PNKP: variants seen among roughly 807,000 people sequenced by gnomAD.
PNKP encodes bifunctional polynucleotide phosphatase/kinase.
PNKP carries 82 observed loss-of-function variants against 66.2 expected under a neutral mutation model. The ratio of observed to expected loss-of-function variants is 1.24; its 90% CI spans 1.04 to 1.49. The LOEUF (loss-of-function observed/expected upper bound fraction) is 1.49. Among genes scored for constraint, PNKP ranks in the 40% most tolerant of loss-of-function variants. The pLI is 0.00. For synonymous variants in PNKP, 412 were observed against 298.9 expected, an observed-to-expected ratio of 1.38 and a Z score of -3.90; for missense variants, 907 against 706.8, an observed-to-expected ratio of 1.28 and a Z score of -3.21.
intron 6 of PNKP, 37 bp downstream of exon 6, chr19:49,864,142 C>A (rs758501201): frequency 6.2e-7 from 1 of 1,612,226 alleles, no homozygotes; most frequent in Admixed American, 1.7e-5. Context: ...CGGACCGCCA[C>A]GTGCACGTGC....
chr19:49,861,544 G>A lies in PNKP; in HGVS notation c.1387-34C>T. On this transcript the variant is annotated intron_variant, in intron 15 of 16. Coordinates refer to ENST00000322344, the MANE Select transcript of PNKP (RefSeq NM_007254.4). ...AACATCAGAGGGGCGGCAGGCCCAG[G>A]GGTCAGGGGAGGAGGGGGGTCAGGG... 1.9e-6 allele frequency: 3 copies of A among 1,605,206 alleles called. No individual in the cohort carries two copies. The highest frequency in any genetic ancestry group is 1.1e-5 in the South Asian group (1 of 90,132).
intron 1 of PNKP, 40 bp downstream of exon 1, chr19:49,867,429 A>G (rs2122346661): frequency 1.7e-6 from 1 of 601,886 alleles, no homozygotes; most frequent in South Asian, 2.0e-5. Flanking sequence ...GCGTACAGGC[A>G]GAGAGCCTCG....
chr19:49,861,613 T>C lies in PNKP; in HGVS notation c.1381A>G (p.Asn461Asp), dbSNP rs775762473. The C allele has an allele frequency of 3.9e-5, 60 of 1,556,980 alleles. No individual in the cohort carries two copies. Among genetic ancestry groups the C allele is most frequent in the Non-Finnish European group, 5.0e-5 (58 of 1,151,366 alleles). ...TCCGGGCTGAGCGGGCTCACCCGGTTGTTGTGGCGCGCCTGCTCCAGAGTG... is the reference window on the plus strand; with the variant it reads ...TCCGGGCTGAGCGGGCTCACCCGGTCGTTGTGGCGCGCCTGCTCCAGAGTG... The part of the protein sequence containing the change: ...TATLEQARHN[N>D]RFREMTDSSH... Residue 461 changes from asparagine to aspartate, a missense_variant, in exon 15 of 17, where the codon AAC becomes GAC. Asn to Asp is a conservative substitution (Grantham distance 23). Coordinates refer to ENST00000322344, the MANE Select transcript of PNKP (RefSeq NM_007254.4).
intron 7 of PNKP, 68 bp downstream of exon 7, chr19:49,863,896 G>A: frequency 7.0e-7 from 1 of 1,418,736 alleles, no homozygotes; most frequent in South Asian, 1.2e-5. Context: ...CGCTTACCCT[G>A]GAGTCTAAAG....
chr19:49,862,764 C>A (rs1207623196), intron 8 of PNKP, 26 bp from the exon 9 acceptor site: 1 of 1,613,652 alleles, frequency 6.2e-7, no homozygotes, highest in South Asian at 1.1e-5. Context: ...GTGAGGAGGC[C>A]CTTCCCACAA....
rs369567366 is a variant in PNKP, at chr19:49,862,750, G to T, written c.817-12C>A. 3 of 1,613,934 alleles carry T rather than the reference G, an allele frequency of 1.9e-6. No homozygotes were observed. The East Asian group carries it at 6.7e-5, about 36-fold the overall frequency. ...GTGCCGTCGTTGGCCTACGGGAGACGGTAGTGAGGAGGCCCTTCCCACAAA... is the reference window on the plus strand; with the variant it reads ...GTGCCGTCGTTGGCCTACGGGAGACTGTAGTGAGGAGGCCCTTCCCACAAA... On this transcript the variant is annotated splice_polypyrimidine_tract_variant and intron_variant, in intron 8 of 16. Transcript: ENST00000322344.
In PNKP at chr19:49,864,245, G is replaced by T. The variant is rs955732346; in HGVS notation, c.579-9C>A. On this transcript the variant is annotated splice_polypyrimidine_tract_variant and intron_variant, in intron 5 of 16. Coordinates refer to ENST00000322344, the MANE Select transcript of PNKP (RefSeq NM_007254.4). ...TCTCTGGGTACAAGATCCTACGGCA[G>T]GTATGAAGCGGCAGGGGTGACCCGG... is the stretch of plus-strand genomic sequence containing the variant. 1 of 1,614,118 alleles carries T rather than the reference G, an allele frequency of 6.2e-7. No individual in the cohort carries two copies. Among genetic ancestry groups the T allele is most frequent in the Non-Finnish European group, 8.5e-7 (1 of 1,179,988 alleles).
chr19:49,864,373 T>C lies in PNKP; in HGVS notation c.529A>G (p.Ile177Val). The C allele has an allele frequency of 6.2e-7, 1 of 1,614,076 alleles. No homozygotes were observed. ...VAGFDLDGTL[I>V]TTRSGKVFPT... ...AAGACCTTCCCAGAGCGTGTGGTGA[T>C]GAGCGTCCCGTCCAGATCAAAGCCA... Residue 177 changes from isoleucine to valine, a missense_variant, in exon 5 of 17, where the codon ATC becomes GTC. By Grantham distance (29) the Ile-to-Val change is conservative (BLOSUM62 3). Transcript: ENST00000322344.
rs770035982 is a variant in PNKP, at chr19:49,862,749, C to G, written c.817-11G>C. 1.9e-6 allele frequency: 3 copies of G among 1,614,052 alleles called. No individual in the cohort carries two copies. Among genetic ancestry groups the G allele is most frequent in the Middle Eastern group, 1.7e-4 (1 of 6,044 alleles). On this transcript the variant is annotated splice_polypyrimidine_tract_variant and intron_variant, in intron 8 of 16. Coordinates refer to ENST00000322344, the MANE Select transcript of PNKP (RefSeq NM_007254.4). The stretch of plus-strand genomic sequence containing the variant: ...CGTGCCGTCGTTGGCCTACGGGAGA[C>G]GGTAGTGAGGAGGCCCTTCCCACAA...
In PNKP at chr19:49,862,116, G is replaced by T. The variant is rs376289875; in HGVS notation, c.1127-11C>A. 6.8e-6 allele frequency: 11 copies of T among 1,614,052 alleles called. No homozygotes were observed. Among genetic ancestry groups the T allele is most frequent in the African/African-American group, 1.3e-5 (1 of 74,918 alleles). ...AGGTGGACTTCCCGGCTGTGTGGGG[G>T]GCAGTGTCGGTGGGTGGCCTAGGAC... On this transcript the variant is annotated splice_polypyrimidine_tract_variant and intron_variant, in intron 12 of 16. Coordinates refer to ENST00000322344, the MANE Select transcript of PNKP (RefSeq NM_007254.4).
At position 49,864,242 on chromosome 19, in the gene PNKP, G is replaced by A. The variant is rs752898407; in HGVS notation, c.579-6C>T. ...GAATCTCTGGGTACAAGATCCTACGGCAGGTATGAAGCGGCAGGGGTGACC... is the reference window on the plus strand; with the variant it reads ...GAATCTCTGGGTACAAGATCCTACGACAGGTATGAAGCGGCAGGGGTGACC... On this transcript the variant is annotated splice_polypyrimidine_tract_variant and splice_region_variant and intron_variant, in intron 5 of 16. Transcript: ENST00000322344. 3 of 1,614,096 alleles carry A rather than the reference G, an allele frequency of 1.9e-6. No homozygotes were observed. The highest frequency in any genetic ancestry group is 2.5e-6 in the Non-Finnish European group (3 of 1,179,976).
rs2074782350 is a variant in PNKP at position 49,862,468 on chromosome 19, G to A, written c.937-5C>T. The A allele has an allele frequency of 3.1e-6, 5 of 1,593,090 alleles. No individual in the cohort carries two copies. The highest frequency in any genetic ancestry group is 2.3e-5 in the East Asian group (1 of 43,900). On this transcript the variant is annotated splice_polypyrimidine_tract_variant and splice_region_variant and intron_variant, in intron 10 of 16. Transcript: ENST00000322344. Reference sequence around the variant, plus strand: ...CAGGCCAAGGTTGAGGGCAAACTAGGGGTTGAGGACGAACATCAGACACAG... The same window carrying A: ...CAGGCCAAGGTTGAGGGCAAACTAGAGGTTGAGGACGAACATCAGACACAG...
At position 49,861,546 on chromosome 19, in the gene PNKP, G is replaced by A. The variant is rs748550221; in HGVS notation, c.1387-36C>T. 1.3e-6 allele frequency: 2 copies of A among 1,569,716 alleles called. No homozygotes were observed. Among genetic ancestry groups the A allele is most frequent in the Admixed American group, 1.7e-5 (1 of 57,828 alleles). On this transcript the variant is annotated intron_variant, in intron 15 of 16. Coordinates refer to ENST00000322344, the MANE Select transcript of PNKP (RefSeq NM_007254.4). ...CATCAGAGGGGCGGCAGGCCCAGGG[G>A]TCAGGGGAGGAGGGGGGTCAGGGGG...
chr19:49,867,309 C>A, intron 1 of PNKP, 92 bp from the exon 2 acceptor site: 2 of 1,315,606 alleles, frequency 1.5e-6, no homozygotes, highest in Non-Finnish European at 2.1e-6. Context: ...AAAGTTTCCC[C>A]ACCATTAACT....
rs376146751 is a variant in PNKP, at chr19:49,867,175, C to A, written c.30G>T (p.Leu10Phe). 1 of 1,612,130 alleles carries A rather than the reference C, an allele frequency of 6.2e-7. No homozygotes were observed. The highest frequency in any genetic ancestry group is 8.5e-7 in the Non-Finnish European group (1 of 1,179,502). The change falls in exon 2 of 17, where the codon TTG becomes TTT. Residue 10 changes from leucine (L) to phenylalanine (F), a missense_variant. Transcript: ENST00000322344. MGEVEAPGRLWLESPPGGAP... is the reference protein window; with the variant it reads MGEVEAPGRFWLESPPGGAP... ...CTCCCCCAGGGGGGCTCTCGAGCCACAAGCGGCCCGGGGCCTCCACCTCGC... is the reference window on the plus strand; with the variant it reads ...CTCCCCCAGGGGGGCTCTCGAGCCAAAAGCGGCCCGGGGCCTCCACCTCGC...
chr19:49,861,923 G>T, intron 13 of PNKP, 42 bp from the exon 14 acceptor site: 2 of 1,580,536 alleles, frequency 1.3e-6, no homozygotes, highest in Non-Finnish European at 1.7e-6. Flanking sequence ...CAGACCCAGG[G>T]GGAGAGAAGA....
intron 4 of PNKP, 49 bp from the exon 5 acceptor site, chr19:49,864,452 C>T (rs2074803594): frequency 4.3e-6 from 6 of 1,398,032 alleles, no homozygotes; most frequent in Non-Finnish European, 5.1e-6. Flanking sequence ...TACCTCTGAC[C>T]CTCCTCACTC....
Position 49,867,059 on chromosome 19 carries a change from G to A in PNKP, c.146C>T (p.Thr49Ile). The A allele has an allele frequency of 6.2e-7, 1 of 1,613,918 alleles. No individual in the cohort carries two copies. Among genetic ancestry groups the A allele is most frequent in the South Asian group, 1.1e-5 (1 of 91,086 alleles). Residue 49 changes from threonine (T) to isoleucine (I), a missense_variant, in exon 2 of 17, where the codon ACT becomes ATT. Physicochemically the swap from Thr to Ile is moderately conservative, Grantham distance 89 (BLOSUM62 -1). Transcript: ENST00000322344. ...TQVTDRKCSR[T>I]QVELVADPET... ...CCAGCTCAGGCCCCGCTCACCTTGA[G>A]TTCTGGAGCACTTCCGGTCCGTAAC...
At chr19:49,864,129 G>T (rs376534063) in intron 6 of PNKP, 50 bp downstream of exon 6, 4 of 1,606,996 alleles carry the variant, frequency 2.5e-6, no homozygotes, top group Non-Finnish European at 3.4e-6. Context: ...GTCTGACTGC[G>T]GTCGGACCGC....
Sources: allele counts gnomAD v4.1 joint callset, GRCh38; gene constraint gnomAD v4.1.1; transcripts MANE v1.5; gene names NCBI Gene and HGNC (gene_info 2026-07-23, HGNC 2026-07-21).